Variants in EVC2 observed in about 807,000 individuals in gnomAD.
The protein encoded by EVC2 is EvC ciliary complex subunit 2.
In EVC2, 148 loss-of-function variants were observed where a neutral mutation model predicts 149.3. The observed-to-expected ratio is 0.99, with a 90% confidence interval of 0.87 to 1.14. The LOEUF (loss-of-function observed/expected upper bound fraction) is 1.14. Among genes scored for constraint, EVC2 ranks in the 50% most tolerant of loss-of-function variants. EVC2 has a pLI of 0.00. For synonymous variants in EVC2, 776 were observed against 649.9 expected, an observed-to-expected ratio of 1.19 and a Z score of -2.95; for missense variants, 1,854 against 1,627.3, an observed-to-expected ratio of 1.14 and a Z score of -2.40.
At chr4:5,621,093 T>C (rs114330099) in intron 14 of EVC2, among the ~76,000 whole-genome samples, 2,594 of 152,216 alleles carry the variant, frequency 0.017, 78 homozygotes, top group African/African-American at 0.059. Context: ...AAAGGTCACT[T>C]AACGCAAACC....
chr4:5,673,453 A>G (rs1010566785), intron 7 of EVC2, among the ~76,000 whole-genome samples: 1 of 152,204 alleles, frequency 6.6e-6, no homozygotes, highest in African/African-American at 2.4e-5. Context: ...TCCCTTAAAC[A>G]TGCTGCAGCC....
At chr4:5,598,191 CT>C (rs1306592036) in intron 16 of EVC2, among the ~76,000 whole-genome samples, 1 of 152,000 alleles carries the variant, frequency 6.6e-6, no homozygotes, top group African/African-American at 2.4e-5. Flanking sequence ...CTACCAATGA[CT>C]TTCTTCACAG....
the EVC2 span, among the ~76,000 whole-genome samples, chr4:5,529,060 C>T: frequency 3.3e-5 from 5 of 152,134 alleles, no homozygotes; most frequent in Non-Finnish European, 5.9e-5. The surrounding 1 kb of genome is among the most constrained non-coding windows in gnomAD (Gnocchi z 4.5). Context: ...CCACGGAGGC[C>T]GAGAATTTCC....
At chr4:5,692,850 G>A (rs1317077174) in intron 3 of EVC2, among the ~76,000 whole-genome samples, 1 of 138,970 alleles carries the variant, frequency 7.2e-6, no homozygotes, top group South Asian at 2.4e-4. Context: ...GTCCGGCCTG[G>A]GCGACAGAGC....
chr4:5,623,894 T>C (rs1258112358), intron 13 of EVC2, among the ~76,000 whole-genome samples: 1 of 152,208 alleles, frequency 6.6e-6, no homozygotes, highest in East Asian at 1.9e-4. Context: ...AGTTACTTAA[T>C]ACACATACAT....
chr4:5,598,262 T>G (rs1353725160), intron 16 of EVC2, among the ~76,000 whole-genome samples: 6 of 151,830 alleles, frequency 4.0e-5, no homozygotes, highest in Non-Finnish European at 1.5e-5. Flanking sequence ...CATCGCCAAG[T>G]CAATCCTAAG....
At chr4:5,558,329 T>C (rs1485130567), downstream of EVC2, among the ~76,000 whole-genome samples, 1 of 152,108 alleles carries the variant, frequency 6.6e-6, no homozygotes, top group East Asian at 1.9e-4. Flanking sequence ...ACTATAGAGA[T>C]AGTAAAATGA....
chr4:5,566,792 G>A (rs1400067582), intron 20 of EVC2, among the ~76,000 whole-genome samples: 3 of 151,984 alleles, frequency 2.0e-5, no homozygotes, highest in African/African-American at 7.3e-5. Context: ...CTGGCTGAAG[G>A]GGAAGCACCA....
intron 16 of EVC2, 113 bp downstream of exon 16, chr4:5,615,309 G>A: frequency 1.3e-6 from 2 of 1,548,710 alleles, no homozygotes; most frequent in Non-Finnish European, 1.8e-6. Flanking sequence ...GAGCGGTTGG[G>A]TGGAGATGGA....
Position 5,627,185 on chromosome 4 carries a change from G to A in EVC2, c.1887-1277C>T, listed in dbSNP as rs531708123. Among the ~76,000 whole-genome samples the A allele has an allele frequency of 1.1e-4, 16 of 152,264 alleles. No individual in the cohort carries two copies. The East Asian group carries it at 2.7e-3, about 26-fold the overall frequency. ...TGGGCTGAGTCCCCAGCTTGGCCCA[G>A]GGAAGACTCTCAAGGGAGGTTCCTT... On this transcript the variant is annotated intron_variant, in intron 12 of 21. Transcript: ENST00000344408.
intron 9 of EVC2, among the ~76,000 whole-genome samples, chr4:5,656,108 A>G (rs778992275): frequency 6.6e-6 from 1 of 152,160 alleles, no homozygotes; most frequent in Non-Finnish European, 1.5e-5. Flanking sequence ...TGCATGACCT[A>G]AGAATCTCCA....
chr4:5,585,748 C>T (rs890718752), intron 16 of EVC2, among the ~76,000 whole-genome samples: 1 of 152,198 alleles, frequency 6.6e-6, no homozygotes, highest in African/African-American at 2.4e-5. Flanking sequence ...CCCCTGCCCC[C>T]CACTTAGCAA....
downstream of EVC2, among the ~76,000 whole-genome samples, chr4:5,560,879 GTCTA>G (rs111797863): frequency 2.5e-3 from 384 of 152,220 alleles, no homozygotes; most frequent in African/African-American, 7.6e-3. This position sits in a 1 kb window ranked among gnomAD's most constrained non-coding sequence, Gnocchi z 4.1. Context: ...TTTAAACCTG[GTCTA>G]TCTGATTCCA....
intron 21 of EVC2, among the ~76,000 whole-genome samples, chr4:5,544,644 A>G (rs1721579250): frequency 6.6e-6 from 1 of 152,220 alleles, no homozygotes; most frequent in Non-Finnish European, 1.5e-5. Context: ...AAATCACCAG[A>G]GTTCTCCGCA....
chr4:5,689,341 C>T lies in EVC2; in HGVS notation c.522G>A (p.Val174=), dbSNP rs140251602. ...CTGTCTGTGCTTCACTCGACCCAGA[C>T]ACCTAGGGCAGAAGGAGAAGGCATG... ...NGVIFQKCAL[V]SGSSEAQTAR... is the part of the protein sequence containing the mutation. The change falls in exon 5 of 22, where the codon GTG becomes GTA. Residue 174 remains valine (V), a splice_region_variant and synonymous_variant. Coordinates refer to ENST00000344408, the MANE Select transcript of EVC2 (RefSeq NM_147127.5). 9 of 1,613,936 alleles carry T rather than the reference C, an allele frequency of 5.6e-6. No homozygotes were observed. The African/African-American group carries it at 9.3e-5, about 17-fold the overall frequency.
At chr4:5,550,350 G>A (rs1254640691) in intron 21 of EVC2, among the ~76,000 whole-genome samples, 1 of 152,194 alleles carries the variant, frequency 6.6e-6, no homozygotes, top group Non-Finnish European at 1.5e-5. Flanking sequence ...GGTCTCAGAT[G>A]GAGATGAGGA....
Position 5,622,122 on chromosome 4 carries a change from C to T in EVC2, c.2501+415G>A, listed in dbSNP as rs1211864112. 6.6e-6 allele frequency among the ~76,000 whole-genome samples: 1 copy of T among 152,102 alleles called. No individual in the cohort carries two copies. The highest frequency in any genetic ancestry group is 2.4e-5 in the African/African-American group (1 of 41,418). On this transcript the variant is annotated intron_variant, in intron 14 of 21. Transcript: ENST00000344408. The surrounding 1 kb of genome is among the most constrained non-coding windows in gnomAD (Gnocchi z 5.8). ...GGGCCTGGAATGGCCTAACCGCAAG[C>T]TCCCCTTCCCCCTCTGCTCCTGTGG... is the stretch of plus-strand genomic sequence containing the variant.
rs1310952584 is a variant in EVC2, at chr4:5,636,705, G to A, written c.1470+3809C>T. Among the ~76,000 whole-genome samples the A allele has an allele frequency of 6.6e-6, 1 of 152,000 alleles. No homozygotes were observed. The highest frequency in any genetic ancestry group is 1.5e-5 in the Non-Finnish European group (1 of 68,002). The stretch of plus-strand genomic sequence containing the variant: ...CAATGCTTCCTGGGTATCAAGGGAG[G>A]GATGACTGTACTGTACTAAACTTTA... On this transcript the variant is annotated intron_variant, in intron 10 of 21. Transcript: ENST00000344408. The surrounding 1 kb of genome is among the most constrained non-coding windows in gnomAD (Gnocchi z 4.6).
intron 21 of EVC2, among the ~76,000 whole-genome samples, chr4:5,550,761 G>A (rs748041140): frequency 4.1e-4 from 63 of 152,352 alleles, no homozygotes; most frequent in Admixed American, 1.1e-3. Flanking sequence ...CACAGGCCTG[G>A]AGGCTTAGGA....
Sources: allele counts gnomAD v4.1 joint callset (sites outside exome capture counted in the v4.1 genomes callset), GRCh38; gene constraint gnomAD v4.1.1; non-coding constraint Gnocchi (gnomAD v3.1); transcripts MANE v1.5; gene names NCBI Gene and HGNC (gene_info 2026-07-23, HGNC 2026-07-21).